The following DLGAP2 variants were observed in gnomAD, a reference collection of about 807,000 sequenced individuals.
DLGAP2 encodes DLG associated protein 2, also known as disks large-associated protein 2.
Under a neutral mutation model 100.3 loss-of-function variants are expected in DLGAP2, and 26 were observed. That is an observed-to-expected ratio of 0.26 (90% CI 0.19 to 0.36). The LOEUF (loss-of-function observed/expected upper bound fraction) is 0.36, where lower values mean the gene tolerates loss of function less well. Ranked by LOEUF, DLGAP2 falls within the 10% of genes least tolerant of loss-of-function variation. DLGAP2 has a pLI of 1.00. For missense variants in DLGAP2, 1,858 were observed against 1,453.2 expected (o/e 1.28, Z -4.53); for synonymous variants, 886 against 630.1 (o/e 1.41, Z -6.08).
At chr8:1,156,716 C>T (rs747085488) in intron 2 of DLGAP2, among the ~76,000 whole-genome samples, 3 of 152,074 alleles carry the variant, frequency 2.0e-5, no homozygotes, top group Admixed American at 6.5e-5. Context: ...CTCAGCGACC[C>T]GGCTCAGCAC....
chr8:965,174 G>T (rs1165047931), intron 2 of DLGAP2, among the ~76,000 whole-genome samples: 1 of 118,288 alleles, frequency 8.5e-6, no homozygotes, highest in Non-Finnish European at 1.8e-5. Context: ...TGACCCCTGC[G>T]CTGCACACGG....
At chr8:1,294,235 C>G (rs900681554) in intron 3 of DLGAP2, among the ~76,000 whole-genome samples, 9 of 152,190 alleles carry the variant, frequency 5.9e-5, no homozygotes, top group African/African-American at 2.2e-4. Flanking sequence ...AGGTTACAGG[C>G]CTTTCACAAG....
chr8:953,288 A>C (rs1007505130), intron 2 of DLGAP2, among the ~76,000 whole-genome samples: 5 of 151,964 alleles, frequency 3.3e-5, no homozygotes, highest in East Asian at 1.9e-4. Context: ...TCCGCCTCCC[A>C]GGTTCAAGCA....
At chr8:1,665,960 A>G (rs557341098) in intron 8 of DLGAP2, among the ~76,000 whole-genome samples, 20 of 152,300 alleles carry the variant, frequency 1.3e-4, no homozygotes, top group African/African-American at 4.6e-4. Context: ...CACCCTTGAT[A>G]AATCAGCGCT....
chr8:1,228,622 G>C (rs1246075859), intron 2 of DLGAP2, among the ~76,000 whole-genome samples: 2 of 152,146 alleles, frequency 1.3e-5, no homozygotes, highest in Non-Finnish European at 1.5e-5. Flanking sequence ...AGGATTTCAA[G>C]TTTGTTTTGA....
At chr8:1,291,380 C>T (rs1347017254) in intron 3 of DLGAP2, among the ~76,000 whole-genome samples, 1 of 152,090 alleles carries the variant, frequency 6.6e-6, no homozygotes, top group African/African-American at 2.4e-5. Flanking sequence ...CTATCATGGG[C>T]ATTACTCTCT....
chr8:1,174,657 C>T (rs1326386718), intron 2 of DLGAP2, among the ~76,000 whole-genome samples: 1 of 151,028 alleles, frequency 6.6e-6, no homozygotes, highest in Non-Finnish European at 1.5e-5. Context: ...TCTTTACCAT[C>T]ATTGTCATCA....
At chr8:1,185,930 G>C (rs1375732928) in intron 2 of DLGAP2, among the ~76,000 whole-genome samples, 1 of 152,000 alleles carries the variant, frequency 6.6e-6, no homozygotes, top group African/African-American at 2.4e-5. Flanking sequence ...AGGACTTCTC[G>C]CCTCGGAGTT....
At chr8:958,243 C>G (rs1051817636) in intron 2 of DLGAP2, among the ~76,000 whole-genome samples, 3 of 152,156 alleles carry the variant, frequency 2.0e-5, no homozygotes, top group African/African-American at 7.2e-5. Context: ...GAACAGTAAT[C>G]CATTGTGTGG....
At chr8:1,233,350 C>A (rs901678089) in intron 2 of DLGAP2, among the ~76,000 whole-genome samples, 1 of 152,206 alleles carries the variant, frequency 6.6e-6, no homozygotes, top group Non-Finnish European at 1.5e-5. Context: ...GGCCTGTGCT[C>A]TAAGAAGCCT....
chr8:1,546,381 G>A (rs1037169588), intron 4 of DLGAP2, among the ~76,000 whole-genome samples: 7 of 152,152 alleles, frequency 4.6e-5, no homozygotes, highest in African/African-American at 1.2e-4. Flanking sequence ...AAATCTTTAC[G>A]TTCCCTTCTG....
At chr8:1,421,040 C>T (rs1797075173) in intron 3 of DLGAP2, among the ~76,000 whole-genome samples, 1 of 152,174 alleles carries the variant, frequency 6.6e-6, no homozygotes, top group Non-Finnish European at 1.5e-5. Flanking sequence ...TTATAGACTT[C>T]CCAACTCAGA....
At chr8:1,136,149 G>A (rs1475433866) in intron 2 of DLGAP2, among the ~76,000 whole-genome samples, 1 of 152,156 alleles carries the variant, frequency 6.6e-6, no homozygotes, top group Non-Finnish European at 1.5e-5. Context: ...GAAGTAGTGA[G>A]GAATCTGGTA....
intron 3 of DLGAP2, among the ~76,000 whole-genome samples, chr8:1,461,119 C>T (rs988974955): frequency 4.1e-5 from 6 of 148,136 alleles, no homozygotes; most frequent in Non-Finnish European, 7.4e-5. Flanking sequence ...TGGGTGCAGT[C>T]GCTGATTTCG....
intron 6 of DLGAP2, among the ~76,000 whole-genome samples, chr8:1,593,098 C>T (rs533278000): frequency 6.6e-6 from 1 of 152,082 alleles, no homozygotes; most frequent in Non-Finnish European, 1.5e-5. Flanking sequence ...GGTCTGGGCC[C>T]TCCTTCCCCT....
chr8:1,336,786 A>T (rs1801285131), intron 3 of DLGAP2, among the ~76,000 whole-genome samples: 1 of 152,154 alleles, frequency 6.6e-6, no homozygotes, highest in Non-Finnish European at 1.5e-5. Flanking sequence ...TCTTTTAATA[A>T]ACTACTTAAG....
At chr8:1,242,765 CAGACGGATGGATGGAT>C (rs1563275572) in intron 2 of DLGAP2, among the ~76,000 whole-genome samples, 1 of 152,180 alleles carries the variant, frequency 6.6e-6, no homozygotes, top group East Asian at 1.9e-4. Context: ...GATGGTCAGA[CAGACGGATGGATGGAT>C]AGACGGACAG....
chr8:1,411,765 C>G (rs1056512578), intron 3 of DLGAP2, among the ~76,000 whole-genome samples: 15 of 152,198 alleles, frequency 9.9e-5, no homozygotes, highest in African/African-American at 3.6e-4. Context: ...CGTGAACTTT[C>G]CAGAACTTGA....
intron 1 of DLGAP2, among the ~76,000 whole-genome samples, chr8:880,715 G>A (rs1366064569): frequency 3.9e-5 from 6 of 152,234 alleles, no homozygotes; most frequent in African/African-American, 1.2e-4. Flanking sequence ...GCCCTTGACT[G>A]CGACATGGTA....
Sources: allele counts gnomAD v4.1 joint callset (sites outside exome capture counted in the v4.1 genomes callset), GRCh38; gene constraint gnomAD v4.1.1; transcripts MANE v1.5; gene names NCBI Gene and HGNC (gene_info 2026-07-23, HGNC 2026-07-21).